Variants in TMEM181 observed in about 807,000 individuals in gnomAD.
The protein encoded by TMEM181 is transmembrane protein 181, also known as G protein-coupled receptor 178.
TMEM181 carries 39 observed loss-of-function variants against 71.9 expected under a neutral mutation model. The ratio of observed to expected loss-of-function variants is 0.54; its 90% CI spans 0.42 to 0.71. The LOEUF (loss-of-function observed/expected upper bound fraction) is 0.71. Among genes scored for constraint, TMEM181 ranks in the 30% least tolerant of loss-of-function variants. TMEM181 has a pLI of 0.00. For missense variants in TMEM181, 595 were observed against 583.0 expected, an observed-to-expected ratio of 1.02 and a Z score of -0.21; for synonymous variants, 245 against 228.8, an observed-to-expected ratio of 1.07 and a Z score of -0.64.
chr6:158,582,260 GGT>G (rs1562634294), intron 3 of TMEM181, among the ~76,000 whole-genome samples: 1 of 152,014 alleles, frequency 6.6e-6, no homozygotes, highest in Non-Finnish European at 1.5e-5. Context: ...TGTCTCTCAG[GGT>G]GTGAGTCTCT....
chr6:158,619,358 T>C (rs1785818125), intron 10 of TMEM181, among the ~76,000 whole-genome samples: 1 of 152,216 alleles, frequency 6.6e-6, no homozygotes, highest in South Asian at 2.1e-4. Flanking sequence ...TCGTTTAAGG[T>C]CTTCTCTGTG....
At chr6:158,554,193 C>T (rs1254682083) in intron 1 of TMEM181, among the ~76,000 whole-genome samples, 1 of 152,150 alleles carries the variant, frequency 6.6e-6, no homozygotes, top group Middle Eastern at 3.2e-3. Context: ...TCAAGTGATT[C>T]TCCTGCCTCA....
chr6:158,585,440 T>C lies in TMEM181; in HGVS notation c.381+15T>C. 2 of 1,566,958 alleles carry C rather than the reference T, an allele frequency of 1.3e-6. No individual in the cohort carries two copies. Among genetic ancestry groups the C allele is most frequent in the Non-Finnish European group, 1.7e-6 (2 of 1,159,726 alleles). The stretch of plus-strand genomic sequence containing the variant: ...CATGTGCAGGGGTGAGTGTGTGGGG[T>C]GAGCCCCACAGTCAGTCCTCAGGCT... On this transcript the variant is annotated intron_variant, in intron 5 of 16. Transcript: ENST00000684151.
intron 6 of TMEM181, 105 bp from the exon 7 acceptor site, chr6:158,605,162 G>GTGTGTGTA (rs1416715788): frequency 9.3e-5 from 62 of 668,848 alleles, no homozygotes; most frequent in South Asian, 1.8e-4. Context: ...GTGTGTGTAT[G>GTGTGTGTA]TGTATATATT....
intron 1 of TMEM181, among the ~76,000 whole-genome samples, chr6:158,570,765 C>A (rs543394738): frequency 6.6e-6 from 1 of 152,250 alleles, no homozygotes; most frequent in Non-Finnish European, 1.5e-5. Flanking sequence ...AGACGTTGAC[C>A]TTGGTGCAGT....
At chr6:158,623,228 C>T (rs114021775) in intron 10 of TMEM181, among the ~76,000 whole-genome samples, 10 of 152,134 alleles carry the variant, frequency 6.6e-5, no homozygotes, top group African/African-American at 1.2e-4. Context: ...AGTACTCATA[C>T]GTGCCATTAA....
chr6:158,582,891 T>G (rs944215542), intron 3 of TMEM181, among the ~76,000 whole-genome samples: 1 of 152,108 alleles, frequency 6.6e-6, no homozygotes. Context: ...TTCAGAAGGC[T>G]AAAAATAGCA....
chr6:158,580,069 G>C (rs1198949709), intron 2 of TMEM181, among the ~76,000 whole-genome samples: 2 of 152,118 alleles, frequency 1.3e-5, no homozygotes, highest in African/African-American at 4.8e-5. Context: ...AGTGGCTCAC[G>C]CCTGTAATCC....
chr6:158,570,399 A>G (rs1183952557), intron 1 of TMEM181, among the ~76,000 whole-genome samples: 2 of 142,688 alleles, frequency 1.4e-5, no homozygotes, highest in Non-Finnish European at 3.1e-5. Context: ...AGCCTGGCTA[A>G]TTTTTTTTTT....
chr6:158,568,504 C>T (rs1582955163), intron 1 of TMEM181, among the ~76,000 whole-genome samples: 1 of 152,104 alleles, frequency 6.6e-6, no homozygotes, highest in East Asian at 1.9e-4. Flanking sequence ...GAGGGAAGGC[C>T]TGGGGTCAGG....
At chr6:158,594,577 A>G (rs149650544) in intron 6 of TMEM181, among the ~76,000 whole-genome samples, 4 of 152,208 alleles carry the variant, frequency 2.6e-5, no homozygotes, top group Non-Finnish European at 5.9e-5. Context: ...TTGTTTGTCC[A>G]TTGGCTGAAG....
At chr6:158,538,310 C>T (rs139761326) in intron 1 of TMEM181, among the ~76,000 whole-genome samples, 50 of 152,122 alleles carry the variant, frequency 3.3e-4, no homozygotes, top group African/African-American at 1.2e-3. Context: ...AGGCCTGTGC[C>T]CCATCACCTG....
At chr6:158,540,835 A>T (rs139564536) in intron 1 of TMEM181, among the ~76,000 whole-genome samples, 12 of 152,192 alleles carry the variant, frequency 7.9e-5, no homozygotes, top group Non-Finnish European at 1.5e-4. Flanking sequence ...TGGTGTGGTC[A>T]TGGCTCACTG....
chr6:158,548,835 A>C (rs140736140), intron 1 of TMEM181, among the ~76,000 whole-genome samples: 1 of 152,342 alleles, frequency 6.6e-6, no homozygotes, highest in East Asian at 1.9e-4. Flanking sequence ...CATTGAAAAT[A>C]AAATACGTGT....
intron 5 of TMEM181, among the ~76,000 whole-genome samples, chr6:158,586,917 T>A (rs1385935955): frequency 6.6e-6 from 1 of 152,172 alleles, no homozygotes; most frequent in Non-Finnish European, 1.5e-5. Context: ...CAGTGAGGCC[T>A]GTGTGCGGGA....
chr6:158,546,043 C>T (rs1029326218), intron 1 of TMEM181, among the ~76,000 whole-genome samples: 2 of 152,176 alleles, frequency 1.3e-5, no homozygotes, highest in Admixed American at 1.3e-4. Context: ...TCTGGCATGA[C>T]CGGGGCAGTG....
intron 1 of TMEM181, among the ~76,000 whole-genome samples, chr6:158,560,520 A>G (rs1253396968): frequency 6.6e-6 from 1 of 152,130 alleles, no homozygotes; most frequent in Non-Finnish European, 1.5e-5. Context: ...CACAGCGCTC[A>G]CCGGGGGGCC....
chr6:158,631,105 C>T (rs1225366968), intron 15 of TMEM181, among the ~76,000 whole-genome samples: 1 of 152,270 alleles, frequency 6.6e-6, no homozygotes, highest in Non-Finnish European at 1.5e-5. Context: ...CCGCCTCCCT[C>T]AGCCTTCAGG....
At chr6:158,564,138 T>G (rs527237258) in intron 1 of TMEM181, among the ~76,000 whole-genome samples, 1 of 152,348 alleles carries the variant, frequency 6.6e-6, no homozygotes, top group South Asian at 2.1e-4. Flanking sequence ...GATTGAAATT[T>G]TAGAGTTCCT....
Sources: gnomAD v4.1 joint callset for allele counts (sites outside exome capture counted in the v4.1 genomes callset) on GRCh38, gnomAD v4.1.1 for gene constraint, MANE v1.5 for transcripts, NCBI Gene and HGNC (gene_info 2026-07-23, HGNC 2026-07-21) for gene names.